Variants in BMPR1B observed in about 807,000 individuals in gnomAD.
The protein encoded by BMPR1B is bone morphogenetic protein receptor type 1B.
A neutral mutation model predicts 59.1 loss-of-function variants in BMPR1B; 12 were observed. The ratio of observed to expected loss-of-function variants is 0.20; its 90% CI spans 0.13 to 0.33. The LOEUF is 0.33. BMPR1B is among the 10% of genes least tolerant of loss of function. The pLI, the probability that BMPR1B is intolerant of heterozygous loss-of-function variation, is 1.00. For missense variants in BMPR1B, 550 were observed against 610.9 expected (o/e 0.90, Z 1.05); for synonymous variants, 237 against 207.3 (o/e 1.14, Z -1.23).
intron 2 of BMPR1B, among the ~76,000 whole-genome samples, chr4:94,921,686 C>T (rs562080248): frequency 2.0e-5 from 3 of 152,232 alleles, no homozygotes; most frequent in South Asian, 2.1e-4. Context: ...CAGGCCCCAT[C>T]TCCAATATTA....
chr4:94,795,497 C>T (rs1723151954), intron 1 of BMPR1B, among the ~76,000 whole-genome samples: 1 of 151,692 alleles, frequency 6.6e-6, no homozygotes, highest in Non-Finnish European at 1.5e-5. Context: ...TGGAGTCTCA[C>T]TCTGTTGCTC....
At chr4:94,820,273 T>C (rs1179629803) in intron 1 of BMPR1B, among the ~76,000 whole-genome samples, 2 of 152,116 alleles carry the variant, frequency 1.3e-5, no homozygotes, top group Admixed American at 6.6e-5. Flanking sequence ...TGGTGTATCT[T>C]CCCCCTAGAA....
intron 12 of BMPR1B, among the ~76,000 whole-genome samples, chr4:95,154,328 A>G (rs1735260074): frequency 6.6e-6 from 1 of 152,266 alleles, no homozygotes; most frequent in Non-Finnish European, 1.5e-5. Flanking sequence ...TACAATCAGC[A>G]GAACCACCTG....
intron 8 of BMPR1B, among the ~76,000 whole-genome samples, chr4:95,129,473 T>C (rs1401808222): frequency 1.3e-5 from 2 of 152,178 alleles, no homozygotes; most frequent in African/African-American, 2.4e-5. Flanking sequence ...AATTTTGTTT[T>C]GTTATATTTA....
At chr4:95,071,648 GTGTGTATATA>G (rs1313756356) in intron 3 of BMPR1B, among the ~76,000 whole-genome samples, 236 of 104,750 alleles carry the variant, frequency 2.3e-3, no homozygotes, top group South Asian at 3.5e-3. Context: ...GTGTGTGTGT[GTGTGTATATA>G]TATATATATA....
At chr4:94,841,682 C>G (rs758397815) in intron 1 of BMPR1B, among the ~76,000 whole-genome samples, 4 of 152,102 alleles carry the variant, frequency 2.6e-5, no homozygotes, top group African/African-American at 7.2e-5. Flanking sequence ...GAGATGAACC[C>G]GGTACCTCAG....
chr4:94,917,813 A>C (rs1251723004), intron 2 of BMPR1B, among the ~76,000 whole-genome samples: 2 of 152,128 alleles, frequency 1.3e-5, no homozygotes, highest in African/African-American at 4.8e-5. Context: ...GGAATAATAC[A>C]GTTTGGATAT....
At chr4:94,836,534 T>G (rs370609813) in intron 1 of BMPR1B, among the ~76,000 whole-genome samples, 2 of 146,636 alleles carry the variant, frequency 1.4e-5, no homozygotes, top group Admixed American at 1.4e-4. Flanking sequence ...TTTCATGTGT[T>G]TTTTGGCTGC....
intron 1 of BMPR1B, among the ~76,000 whole-genome samples, chr4:94,831,256 G>T (rs1016415398): frequency 4.4e-5 from 5 of 113,494 alleles, no homozygotes; most frequent in Non-Finnish European, 9.9e-5. Flanking sequence ...AAAAAACGTA[G>T]AAGAAAGCTT....
chr4:94,790,300 T>C (rs988769150), intron 1 of BMPR1B, among the ~76,000 whole-genome samples: 1 of 152,306 alleles, frequency 6.6e-6, no homozygotes, highest in South Asian at 2.1e-4. Context: ...TATAATAAAA[T>C]ATTTGGTATA....
At chr4:94,771,942 C>T (rs932736194) in intron 1 of BMPR1B, among the ~76,000 whole-genome samples, 2 of 152,096 alleles carry the variant, frequency 1.3e-5, no homozygotes, top group African/African-American at 2.4e-5. Flanking sequence ...CATTGTATGG[C>T]TTGATGGAGG....
At chr4:95,123,376 T>C (rs1732664757) in intron 6 of BMPR1B, among the ~76,000 whole-genome samples, 1 of 152,174 alleles carries the variant, frequency 6.6e-6, no homozygotes, top group South Asian at 2.1e-4. Context: ...ATGTTTTATG[T>C]CCCATGAATT....
intron 10 of BMPR1B, among the ~76,000 whole-genome samples, chr4:95,143,869 G>C (rs1286170404): frequency 1.3e-5 from 2 of 152,094 alleles, no homozygotes; most frequent in Non-Finnish European, 2.9e-5. Flanking sequence ...TATATGTTGT[G>C]CCTTTTCCAC....
At chr4:95,009,444 A>T (rs1578920448) in intron 3 of BMPR1B, among the ~76,000 whole-genome samples, 1 of 152,326 alleles carries the variant, frequency 6.6e-6, no homozygotes, top group Non-Finnish European at 1.5e-5. Flanking sequence ...CATAGTAATA[A>T]AAATGAATGC....
chr4:94,815,507 T>G (rs1211234600), intron 1 of BMPR1B, among the ~76,000 whole-genome samples: 3 of 152,204 alleles, frequency 2.0e-5, no homozygotes, highest in African/African-American at 4.8e-5. Flanking sequence ...TTACCAAATT[T>G]CTTTCACAAC....
chr4:95,014,405 CA>C (rs1301033201), intron 3 of BMPR1B, among the ~76,000 whole-genome samples: 1 of 152,000 alleles, frequency 6.6e-6, no homozygotes, highest in Non-Finnish European at 1.5e-5. Context: ...GTTTAACTAC[CA>C]TTATTTAGAA....
At chr4:94,954,090 G>A (rs1206388001) in intron 2 of BMPR1B, among the ~76,000 whole-genome samples, 1 of 151,948 alleles carries the variant, frequency 6.6e-6, no homozygotes, top group Non-Finnish European at 1.5e-5. Flanking sequence ...CAAAGTTCTT[G>A]TGCTATGTTT....
chr4:95,130,004 G>A lies in BMPR1B; in HGVS notation c.728G>A (p.Arg243Lys), dbSNP rs886059731. 7 of 1,613,974 alleles carry A rather than the reference G, an allele frequency of 4.3e-6. No individual in the cohort carries two copies. The highest frequency in any genetic ancestry group is 1.1e-5 in the South Asian group (1 of 91,090). Residue 243 changes from arginine to lysine, a missense_variant, in exon 9 of 13, where the codon AGA becomes AAA. By Grantham distance (26) the Arg-to-Lys change is conservative. Transcript: ENST00000515059. Reference sequence around the variant, plus strand: ...ACCACAGAGGAAGCCAGCTGGTTCAGAGAGACAGAAATATATCAGACAGTG... The same window carrying A: ...ACCACAGAGGAAGCCAGCTGGTTCAAAGAGACAGAAATATATCAGACAGTG... ...FFTTEEASWF[R>K]ETEIYQTVLM...
At chr4:94,862,995 G>A (rs1726058709) in intron 1 of BMPR1B, among the ~76,000 whole-genome samples, 1 of 149,890 alleles carries the variant, frequency 6.7e-6, no homozygotes, top group Admixed American at 6.7e-5. Flanking sequence ...GTGGGCGCCT[G>A]TAATCCCAGG....
Sources: gnomAD v4.1 joint callset for allele counts (sites outside exome capture counted in the v4.1 genomes callset) on GRCh38, gnomAD v4.1.1 for gene constraint, MANE v1.5 for transcripts, NCBI Gene and HGNC (gene_info 2026-07-23, HGNC 2026-07-21) for gene names.